ADAM19: variants seen among roughly 807,000 people sequenced by gnomAD.
ADAM19 encodes the protein disintegrin and metalloproteinase domain-containing protein 19.
Under a neutral mutation model 114.7 loss-of-function variants are expected in ADAM19, and 65 were observed. The observed-to-expected ratio is 0.57, with a 90% CI of 0.46 to 0.70. The LOEUF is 0.70. Ranked by LOEUF, ADAM19 falls within the 30% of genes least tolerant of loss-of-function variation. ADAM19 has a pLI of 0.00. For missense variants in ADAM19, 1,063 were observed against 1,204.7 expected (o/e 0.88, Z 1.74); for synonymous variants, 466 against 460.5 (o/e 1.01, Z -0.15).
intron 3 of ADAM19, among the ~76,000 whole-genome samples, chr5:157,561,160 G>A (rs1176721152): frequency 6.6e-6 from 1 of 152,234 alleles, no homozygotes; most frequent in African/African-American, 2.4e-5. Flanking sequence ...TCTCACGGAT[G>A]TCATCCGTGA....
At chr5:157,495,161 G>GTATT (rs1755316305) in intron 14 of ADAM19, among the ~76,000 whole-genome samples, 1 of 151,880 alleles carries the variant, frequency 6.6e-6, no homozygotes, top group Non-Finnish European at 1.5e-5. Context: ...GCTAATTTTT[G>GTATT]TATTTATTTA....
Position 157,564,363 on chromosome 5 carries a change from G to A in ADAM19, c.251+10C>T, listed in dbSNP as rs1757594674. 2 of 1,613,096 alleles carry A rather than the reference G, an allele frequency of 1.2e-6. No homozygotes were observed. Among genetic ancestry groups the A allele is most frequent in the Non-Finnish European group, 1.7e-6 (2 of 1,179,180 alleles). ...TTGTTTCATTTTAGACAAAGGAGGA[G>A]TCCACTTACTCATTCTTCTCCAGGT... On this transcript the variant is annotated intron_variant, in intron 3 of 22. Coordinates refer to ENST00000257527, the MANE Select transcript of ADAM19 (RefSeq NM_033274.5).
In ADAM19 at chr5:157,480,377, T is replaced by C. The variant is rs376269403; in HGVS notation, c.*572A>G. On this transcript the variant is annotated 3_prime_UTR_variant, in exon 23 of 23. Transcript: ENST00000257527. ...GGGGAGAGGTGGGAGGGGACGTGGC[T>C]TGTCACATGCAGCCATACAGCCAGA... 1.2e-5 allele frequency: 12 copies of C among 987,806 alleles called. No homozygotes were observed. The South Asian group carries it at 5.1e-4, about 42-fold the overall frequency. The allele number at this position is 987,806 out of a possible 1,614,324, so 61.2% of individuals were successfully genotyped here. A position where few individuals can be genotyped will look rare whatever the true frequency, so the allele number is the denominator to read the frequency against.
In ADAM19 at chr5:157,566,270, A is replaced by G. The variant is rs1218208568; in HGVS notation, c.181-1827T>C. On this transcript the variant is annotated intron_variant, in intron 2 of 22. Transcript: ENST00000257527. The stretch of plus-strand genomic sequence containing the variant: ...AAGTAGTTGTTAAATTACTGACAAA[A>G]TGTACACAATAATCATTAGTCATAA... The G allele has an allele frequency of 2.6e-5, 4 of 152,222 alleles. No homozygotes were observed. The East Asian group carries it at 7.7e-4, about 29-fold the overall frequency. 9.4% of individuals were successfully genotyped at this position (152,222 alleles called of 1,614,324 possible).
At chr5:157,534,399 C>T (rs996824031) in intron 4 of ADAM19, among the ~76,000 whole-genome samples, 2 of 152,206 alleles carry the variant, frequency 1.3e-5, no homozygotes, top group African/African-American at 4.8e-5. Context: ...ATCCGGGAGG[C>T]AGAGGTTGCA....
chr5:157,492,855 A>G lies in ADAM19; in HGVS notation c.1908+118T>C, dbSNP rs1755221215. The G allele has an allele frequency of 3.7e-6, 4 of 1,076,024 alleles. No homozygotes were observed. The South Asian group carries it at 5.7e-5, about 15-fold the overall frequency. 66.7% of individuals were successfully genotyped at this position (1,076,024 alleles called of 1,614,324 possible). A position where few individuals can be genotyped will look rare whatever the true frequency, so the allele number is the denominator to read the frequency against. On this transcript the variant is annotated intron_variant, in intron 16 of 22. Coordinates refer to ENST00000257527, the MANE Select transcript of ADAM19 (RefSeq NM_033274.5). ...CTATACACGCTTCATGAAGGGAGCC[A>G]CCAAGGCTCAGAGGTTGGCGAGGTG...
chr5:157,527,449 A>T (rs986939091), intron 5 of ADAM19, among the ~76,000 whole-genome samples: 1 of 152,106 alleles, frequency 6.6e-6, no homozygotes, highest in African/African-American at 2.4e-5. Context: ...TGATCTTGTG[A>T]TCTGCCTGCC....
At chr5:157,506,006 A>G (rs1320987721) in intron 10 of ADAM19, among the ~76,000 whole-genome samples, 198 bp from the exon 11 acceptor site, 1 of 152,226 alleles carries the variant, frequency 6.6e-6, no homozygotes, top group Non-Finnish European at 1.5e-5. Context: ...TTAAAAGTCC[A>G]TGTTTCCTGA....
intron 3 of ADAM19, among the ~76,000 whole-genome samples, chr5:157,558,819 T>A (rs1035723710): frequency 6.6e-6 from 1 of 152,244 alleles, no homozygotes; most frequent in Non-Finnish European, 1.5e-5. Flanking sequence ...CGTGTGTTGC[T>A]GAAAAATTCC....
chr5:157,559,892 C>G lies in ADAM19; in HGVS notation c.251+4481G>C, dbSNP rs529985055. Among the ~76,000 whole-genome samples the G allele has an allele frequency of 2.0e-5, 3 of 152,244 alleles. No individual in the cohort carries two copies. The East Asian group carries it at 5.8e-4, about 29-fold the overall frequency. On this transcript the variant is annotated intron_variant, in intron 3 of 22. Transcript: ENST00000257527. ...CTTTATCCCACTGCCCACTATTTCCCAGGATGTCTCCACAGGTAGAGCAAA... is the reference window on the plus strand; with the variant it reads ...CTTTATCCCACTGCCCACTATTTCCGAGGATGTCTCCACAGGTAGAGCAAA...
In ADAM19 at chr5:157,479,990, G is replaced by A. The variant is rs6894959; in HGVS notation, c.*959C>T. On this transcript the variant is annotated 3_prime_UTR_variant, in exon 23 of 23. Coordinates refer to ENST00000257527, the MANE Select transcript of ADAM19 (RefSeq NM_033274.5). ...ATGGCCATGCCCCAAGTCTACTCTG[G>A]TCACACTCCTGAGAGCCAGTGAGGG... The A allele has an allele frequency of 1.4e-3, 1,400 of 985,874 alleles. 18 individuals carry two copies. In the African/African-American group the frequency reaches 0.023, roughly 16 times the overall value. 61.1% of individuals were successfully genotyped at this position (985,874 alleles called of 1,614,324 possible).
At chr5:157,555,656 A>G (rs1757347897) in intron 3 of ADAM19, among the ~76,000 whole-genome samples, 1 of 152,184 alleles carries the variant, frequency 6.6e-6, no homozygotes, top group Admixed American at 6.5e-5. Flanking sequence ...ATTATCTCCT[A>G]ACCTCACAAA....
At chr5:157,561,327 C>T (rs1489580762) in intron 3 of ADAM19, among the ~76,000 whole-genome samples, 6 of 152,334 alleles carry the variant, frequency 3.9e-5, no homozygotes, top group Admixed American at 6.5e-5. Context: ...CCATTCTTGG[C>T]GATCTCTCCA....
intron 5 of ADAM19, among the ~76,000 whole-genome samples, chr5:157,522,506 C>T (rs1756328715): frequency 6.6e-6 from 1 of 152,210 alleles, no homozygotes; most frequent in South Asian, 2.1e-4. Flanking sequence ...CCTGTAGAGG[C>T]TGGGCGCTGT....
At chr5:157,559,348 TAA>T (rs2113788239) in intron 3 of ADAM19, among the ~76,000 whole-genome samples, 1 of 152,326 alleles carries the variant, frequency 6.6e-6, no homozygotes, top group South Asian at 2.1e-4. Flanking sequence ...AGAATGTGTT[TAA>T]GATACTAGAA....
intron 21 of ADAM19, among the ~76,000 whole-genome samples, chr5:157,482,541 T>C (rs1227923832): frequency 6.6e-6 from 1 of 152,202 alleles, no homozygotes; most frequent in Non-Finnish European, 1.5e-5. Flanking sequence ...TTTTAGGTCT[T>C]AGTTTAAGTC....
At chr5:157,491,587 G>A (rs751160317) in intron 18 of ADAM19, 28 bp downstream of exon 18, 1 of 1,432,202 alleles carries the variant, frequency 7.0e-7, no homozygotes, top group African/African-American at 1.4e-5. Context: ...ACAAAAGCGG[G>A]CAGTGGCCCC....
intron 1 of ADAM19, among the ~76,000 whole-genome samples, chr5:157,571,460 G>T (rs1474686566): frequency 6.6e-6 from 1 of 152,166 alleles, no homozygotes; most frequent in Non-Finnish European, 1.5e-5. Context: ...TAAGGTAGGG[G>T]TAGCTAGTAA....
At chr5:157,514,251 C>A (rs985477652) in intron 7 of ADAM19, among the ~76,000 whole-genome samples, 16 of 152,048 alleles carry the variant, frequency 1.1e-4, no homozygotes, top group African/African-American at 3.4e-4. Context: ...GCACACCACT[C>A]AGATCCACTG....
Sources: gnomAD v4.1 joint callset for allele counts (sites outside exome capture counted in the v4.1 genomes callset) on GRCh38, gnomAD v4.1.1 for gene constraint, MANE v1.5 for transcripts, NCBI Gene and HGNC (gene_info 2026-07-23, HGNC 2026-07-21) for gene names.